ARL6IP6: variants seen among roughly 807,000 people sequenced by gnomAD.
The protein encoded by ARL6IP6 is ADP-ribosylation factor-like protein 6-interacting protein 6.
In ARL6IP6, 22 loss-of-function variants were observed where a neutral mutation model predicts 21.5. The ratio of observed to expected loss-of-function variants is 1.02; its 90% confidence interval spans 0.73 to 1.46. The LOEUF is 1.46. Among genes scored for constraint, ARL6IP6 ranks in the 40% most tolerant of loss-of-function variants. ARL6IP6 has a pLI of 0.00. For missense variants in ARL6IP6, 388 were observed against 299.8 expected (o/e 1.29, Z -2.17); for synonymous variants, 164 against 125.3 (o/e 1.31, Z -2.06).
chr2:152,730,881 A>G (rs1361539439), intron 2 of ARL6IP6, among the ~76,000 whole-genome samples: 1 of 152,170 alleles, frequency 6.6e-6, no homozygotes, highest in Non-Finnish European at 1.5e-5. Context: ...GGGCTTTTCT[A>G]GATGCTTTTG....
At chr2:152,723,428 C>T (rs1048675781) in intron 2 of ARL6IP6, among the ~76,000 whole-genome samples, 2 of 152,156 alleles carry the variant, frequency 1.3e-5, no homozygotes, top group Admixed American at 6.5e-5. Context: ...TCTTGGCATA[C>T]TTATTATTGC....
intron 2 of ARL6IP6, among the ~76,000 whole-genome samples, chr2:152,726,485 A>G (rs1052989920): frequency 6.6e-5 from 10 of 152,240 alleles, no homozygotes; most frequent in Admixed American, 4.6e-4. Context: ...GACTTGAGCT[A>G]TCTATAGAAT....
chr2:152,751,224 C>T (rs1414766677), intron 3 of ARL6IP6, among the ~76,000 whole-genome samples: 2 of 151,982 alleles, frequency 1.3e-5, no homozygotes, highest in Admixed American at 6.6e-5. Context: ...TTAGTTGACA[C>T]ATAATAATCA....
chr2:152,734,440 A>T (rs1369611564), intron 2 of ARL6IP6, among the ~76,000 whole-genome samples: 1 of 152,236 alleles, frequency 6.6e-6, no homozygotes, highest in Admixed American at 6.5e-5. Flanking sequence ...CTTAGTACTA[A>T]ATAATAAAGA....
chr2:152,741,812 G>A (rs1407179725), intron 3 of ARL6IP6, among the ~76,000 whole-genome samples: 3 of 152,122 alleles, frequency 2.0e-5, no homozygotes, highest in Admixed American at 6.6e-5. Context: ...TGTAAACTTC[G>A]CTAAGTCAAA....
At chr2:152,718,384 G>C, upstream of ARL6IP6, 2 of 458,234 alleles carry the variant, frequency 4.4e-6, no homozygotes, top group Middle Eastern at 6.0e-4. Context: ...CTCCCTGCGC[G>C]CTTTCCTGCT....
At chr2:152,745,670 G>A (rs1701011442) in intron 3 of ARL6IP6, among the ~76,000 whole-genome samples, 1 of 152,134 alleles carries the variant, frequency 6.6e-6, no homozygotes, top group South Asian at 2.1e-4. Context: ...GATGTCAGAT[G>A]GCTAATTGCA....
chr2:152,732,098 A>G (rs1462528598), intron 2 of ARL6IP6, among the ~76,000 whole-genome samples: 10 of 151,986 alleles, frequency 6.6e-5, no homozygotes, highest in African/African-American at 2.4e-4. Flanking sequence ...TACAGAGAAC[A>G]ATCTTGTATA....
At chr2:152,731,450 C>T (rs1340302601) in intron 2 of ARL6IP6, among the ~76,000 whole-genome samples, 3 of 152,108 alleles carry the variant, frequency 2.0e-5, no homozygotes, top group East Asian at 1.9e-4. Flanking sequence ...TTTGATAATT[C>T]GTAAGTCATC....
intron 3 of ARL6IP6, among the ~76,000 whole-genome samples, chr2:152,757,587 C>T (rs188383075): frequency 6.6e-6 from 1 of 152,222 alleles, no homozygotes; most frequent in East Asian, 1.9e-4. Flanking sequence ...CTTTAGAGAT[C>T]ACAAATGAGA....
chr2:152,742,570 TAAAAAAAAAAAAAA>T (rs71396304), intron 3 of ARL6IP6, among the ~76,000 whole-genome samples: 1 of 115,994 alleles, frequency 8.6e-6, no homozygotes, highest in African/African-American at 3.3e-5. Context: ...ATACGCTCTT[TAAAAAAAAAAAAAA>T]AAAAAAAAAG....
intron 2 of ARL6IP6, among the ~76,000 whole-genome samples, chr2:152,725,607 G>C (rs188142256): frequency 1.2e-4 from 18 of 152,046 alleles, no homozygotes; most frequent in African/African-American, 4.3e-4. Flanking sequence ...GCCATGAAAG[G>C]CTTAAAAATT....
chr2:152,750,655 CTT>C (rs774098501), intron 3 of ARL6IP6, among the ~76,000 whole-genome samples: 1 of 151,832 alleles, frequency 6.6e-6, no homozygotes, highest in Non-Finnish European at 1.5e-5. Flanking sequence ...CAATGTACCT[CTT>C]TTGTCTGTCA....
At position 152,759,784 on chromosome 2, in the gene ARL6IP6, A is replaced by T; in HGVS notation, c.625A>T (p.Met209Leu). The change falls in exon 4 of 4, where the codon ATG becomes TTG. Residue 209 changes from methionine to leucine, a missense_variant. By Grantham distance (15) the Met-to-Leu change is conservative. Coordinates refer to ENST00000326446, the MANE Select transcript of ARL6IP6 (RefSeq NM_152522.7). ...ACATTCTTTCCACATGGGCTATAGC[A>T]TGGCGATTTTGAATGGCATCGTAGC... ...TGHSFHMGYS[M>L]AILNGIVAAL... The T allele has an allele frequency of 6.2e-7, 1 of 1,613,462 alleles. No individual in the cohort carries two copies. Among genetic ancestry groups the T allele is most frequent in the African/African-American group, 1.3e-5 (1 of 74,968 alleles).
chr2:152,753,115 G>A (rs1701414430), intron 3 of ARL6IP6, among the ~76,000 whole-genome samples: 1 of 151,924 alleles, frequency 6.6e-6, no homozygotes, highest in African/African-American at 2.4e-5. Flanking sequence ...GTCCCGCCTG[G>A]GTAACAGAGT....
chr2:152,756,002 T>C (rs898433160), intron 3 of ARL6IP6, among the ~76,000 whole-genome samples: 5 of 152,222 alleles, frequency 3.3e-5, no homozygotes, highest in African/African-American at 1.2e-4. Flanking sequence ...CTCTATCAGA[T>C]ATAAGATTTG....
chr2:152,718,681 C>T lies in ARL6IP6; in HGVS notation c.57C>T (p.Thr19=), dbSNP rs1175805607. The T allele has an allele frequency of 3.1e-6, 5 of 1,589,752 alleles. No homozygotes were observed. Among genetic ancestry groups the T allele is most frequent in the Non-Finnish European group, 4.3e-6 (5 of 1,166,348 alleles). ...CTCTGCGGCGCCGCGGTCCCGGCAC[C>T]CCGGGCCCTGTGGCTCGGCCATCGT... ...RSALRRRGPG[T]PGPVARPSYS... is the part of the protein sequence containing the mutation. The change falls in exon 1 of 4, where the codon ACC becomes ACT. Residue 19 remains threonine, a synonymous_variant. Transcript: ENST00000326446.
intron 3 of ARL6IP6, among the ~76,000 whole-genome samples, chr2:152,751,935 T>G (rs914360456): frequency 2.0e-5 from 3 of 152,214 alleles, no homozygotes; most frequent in African/African-American, 7.2e-5. Context: ...TTTTTAGATT[T>G]TTGAGAAACT....
In ARL6IP6 at chr2:152,761,519, A is replaced by G. The variant is rs1487363226; in HGVS notation, c.*1679A>G. Reference sequence around the variant, plus strand: ...TTTGTGTCTAATGACTAGGAAAGTTATTAACAGTAGACCCTAGATAGAGAT... The same window carrying G: ...TTTGTGTCTAATGACTAGGAAAGTTGTTAACAGTAGACCCTAGATAGAGAT... On this transcript the variant is annotated 3_prime_UTR_variant, in exon 4 of 4. Coordinates refer to ENST00000326446, the MANE Select transcript of ARL6IP6 (RefSeq NM_152522.7). Among the ~76,000 whole-genome samples the G allele has an allele frequency of 3.9e-5, 6 of 152,180 alleles. No homozygotes were observed. The highest frequency in any genetic ancestry group is 8.8e-5 in the Non-Finnish European group (6 of 68,034).
Sources: allele counts gnomAD v4.1 joint callset (sites outside exome capture counted in the v4.1 genomes callset), GRCh38; gene constraint gnomAD v4.1.1; transcripts MANE v1.5; gene names NCBI Gene and HGNC (gene_info 2026-07-23, HGNC 2026-07-21).